The following RPL27A variants were observed in gnomAD, a reference collection of about 807,000 sequenced individuals.
The protein encoded by RPL27A is ribosomal protein L27a, also known as large ribosomal subunit protein uL15.
For synonymous variants in RPL27A, 69 were observed against 68.3 expected, an observed-to-expected ratio of 1.01 and a Z score of -0.05; for missense variants, 118 against 189.4, an observed-to-expected ratio of 0.62 and a Z score of 2.21.
chr11:8,683,294 C>T, intron 2 of RPL27A, 29 bp downstream of exon 2: 1 of 1,604,802 alleles, frequency 6.2e-7, no homozygotes, highest in African/African-American at 1.3e-5. Flanking sequence ...TCGGGGTGGG[C>T]CTTGGGCTCT....
In RPL27A at chr11:8,683,548, C is replaced by T; in HGVS notation, c.67+283C>T. The T allele has an allele frequency of 1.8e-5, 10 of 546,170 alleles. No homozygotes were observed. The South Asian group carries it at 1.9e-4, about 11-fold the overall frequency. 33.8% of individuals were successfully genotyped at this position (546,170 alleles called of 1,614,324 possible). ...CTGAAAAGATGTTTCACCCGGAATC[C>T]TAAAGTAATCGCATTGCTGAAAACC... On this transcript the variant is annotated intron_variant, in intron 2 of 4. Transcript: ENST00000314138.
In RPL27A at chr11:8,686,600, G is replaced by T. The variant is rs1467006942; in HGVS notation, c.*794G>T. ...GATGAATCAAAATCTCGAGATGGGG[G>T]TCCAGCAATCTGAAATTTCAGTATG... On this transcript the variant is annotated 3_prime_UTR_variant, in exon 5 of 5. Transcript: ENST00000314138. The T allele has an allele frequency of 6.6e-6, 1 of 152,222 alleles. No individual in the cohort carries two copies. Among genetic ancestry groups the T allele is most frequent in the Non-Finnish European group, 1.5e-5 (1 of 68,046 alleles). The allele number at this position is 152,222 out of a possible 1,614,324, so 9.4% of individuals were successfully genotyped here.
intron 1 of RPL27A, 136 bp from the exon 2 acceptor site, chr11:8,683,066 A>G: frequency 2.0e-6 from 2 of 989,464 alleles, no homozygotes; most frequent in East Asian, 2.4e-5. Flanking sequence ...CCCTGAGCGG[A>G]TCGGTACCCT....
rs2039590739 is a variant in RPL27A, at chr11:8,686,749, T to C, written c.*943T>C. ...TTGAAATAAGTTTTTCTAGGATTTG[T>C]GTCTCTTGCTATTGGAAAACTGATG... On this transcript the variant is annotated 3_prime_UTR_variant, in exon 5 of 5. Transcript: ENST00000314138. 6.6e-6 allele frequency: 1 copy of C among 152,224 alleles called. No individual in the cohort carries two copies. The highest frequency in any genetic ancestry group is 1.5e-5 in the Non-Finnish European group (1 of 68,024). 9.4% of individuals were successfully genotyped at this position (152,224 alleles called of 1,614,324 possible). A position where few individuals can be genotyped will look rare whatever the true frequency, so the allele number is the denominator to read the frequency against.
rs2039598253 is a variant in RPL27A at position 8,687,491 on chromosome 11, CATG to C, written c.*1690_*1692del. ...ATCCCACAATAAGTGGTCAGTAGTT[CATG>C]ATGAATTAAAAGACTCAATATTTGG... On this transcript the variant is annotated 3_prime_UTR_variant, in exon 5 of 5. Transcript: ENST00000314138. 6.6e-6 allele frequency: 1 copy of C among 150,876 alleles called. No individual in the cohort carries two copies. Among genetic ancestry groups the C allele is most frequent in the Admixed American group, 6.7e-5 (1 of 14,982 alleles). 9.3% of individuals were successfully genotyped at this position (150,876 alleles called of 1,614,324 possible).
At chr11:8,685,622 T>G in intron 4 of RPL27A, 56 bp from the exon 5 acceptor site, 1 of 1,597,402 alleles carries the variant, frequency 6.3e-7, no homozygotes, top group Non-Finnish European at 8.6e-7. Flanking sequence ...CTCACGCCCA[T>G]CACGCAGTTG....
At chr11:8,683,644 A>T in intron 2 of RPL27A, 1 of 475,418 alleles carries the variant, frequency 2.1e-6, no homozygotes, top group Non-Finnish European at 3.8e-6. Flanking sequence ...TTGTGCGAGG[A>T]AGTATTGAGA....
At chr11:8,683,337 G>A (rs2039528628) in intron 2 of RPL27A, 72 bp downstream of exon 2, 1 of 1,329,432 alleles carries the variant, frequency 7.5e-7, no homozygotes, top group Non-Finnish European at 1.1e-6. Context: ...GAGATCGGTA[G>A]CCTATAAGTG....
Position 8,689,241 on chromosome 11 carries a change from G to T in RPL27A, c.*3435G>T, listed in dbSNP as rs1476330852. Reference sequence around the variant, plus strand: ...TTTAGGGTGCGTTTAAGAACAGTGGGCGTGGCCTTTACGTAAATCTTCGAG... The same window carrying T: ...TTTAGGGTGCGTTTAAGAACAGTGGTCGTGGCCTTTACGTAAATCTTCGAG... On this transcript the variant is annotated 3_prime_UTR_variant, in exon 5 of 5. Transcript: ENST00000314138. The T allele has an allele frequency of 6.6e-6, 1 of 152,234 alleles. No homozygotes were observed. Among genetic ancestry groups the T allele is most frequent in the African/African-American group, 2.4e-5 (1 of 41,452 alleles). 9.4% of individuals were successfully genotyped at this position (152,234 alleles called of 1,614,324 possible). A position where few individuals can be genotyped will look rare whatever the true frequency, so the allele number is the denominator to read the frequency against.
rs1427782557 is a variant in RPL27A at position 8,688,945 on chromosome 11, C to T, written c.*3139C>T. On this transcript the variant is annotated 3_prime_UTR_variant, in exon 5 of 5. Transcript: ENST00000314138. ...GGCGTCCTCACAACACAGACCGGACCTTGGGTCTTACCCCGGCACCTGAGA... is the reference window on the plus strand; with the variant it reads ...GGCGTCCTCACAACACAGACCGGACTTTGGGTCTTACCCCGGCACCTGAGA... 2 of 152,274 alleles carry T rather than the reference C, an allele frequency of 1.3e-5. No individual in the cohort carries two copies. Among genetic ancestry groups the T allele is most frequent in the African/African-American group, 2.4e-5 (1 of 41,480 alleles). The allele number at this position is 152,274 out of a possible 1,614,324, so 9.4% of individuals were successfully genotyped here. A position where few individuals can be genotyped will look rare whatever the true frequency, so the allele number is the denominator to read the frequency against.
At position 8,684,841 on chromosome 11, in the gene RPL27A, T is replaced by C. The variant is rs755612389; in HGVS notation, c.267T>C (p.Asn89=). The C allele has an allele frequency of 5.6e-6, 9 of 1,613,988 alleles. No individual in the cohort carries two copies. The highest frequency in any genetic ancestry group is 6.8e-6 in the Non-Finnish European group (8 of 1,179,954). ...TGGTCAGTGAACAGACACGGGTGAATGCTGCTAAAAACAAGACTGGGGCTG... is the reference window on the plus strand; with the variant it reads ...TGGTCAGTGAACAGACACGGGTGAACGCTGCTAAAAACAAGACTGGGGCTG... ...WTLVSEQTRV[N]AAKNKTGAAP... The change falls in exon 4 of 5, where the codon AAT becomes AAC. Residue 89 remains asparagine (N), a synonymous_variant. Transcript: ENST00000314138.
chr11:8,683,120 G>A (rs1315805115), intron 1 of RPL27A, 82 bp from the exon 2 acceptor site: 2 of 1,408,204 alleles, frequency 1.4e-6, no homozygotes, highest in South Asian at 1.2e-5. Context: ...TGACCCACAG[G>A]CTTACAGGAC....
In RPL27A at chr11:8,685,835, C is replaced by G. The variant is rs750620897; in HGVS notation, c.*29C>G. The G allele has an allele frequency of 1.2e-5, 20 of 1,610,490 alleles. No homozygotes were observed. The highest frequency in any genetic ancestry group is 1.6e-5 in the Non-Finnish European group (19 of 1,178,006). ...CACATGGAGGGAGTTTCATTAAATG[C>G]TAACTACTTTTTCCTTGTGGTGTGA... is the stretch of plus-strand genomic sequence containing the variant. On this transcript the variant is annotated 3_prime_UTR_variant, in exon 5 of 5. Transcript: ENST00000314138.
In RPL27A at chr11:8,687,424, AG is replaced by A. The variant is rs1027040008; in HGVS notation, c.*1621del. 1 of 139,106 alleles carries A rather than the reference AG, an allele frequency of 7.2e-6. No individual in the cohort carries two copies. Among genetic ancestry groups the A allele is most frequent in the African/African-American group, 2.6e-5 (1 of 38,624 alleles). 8.6% of individuals were successfully genotyped at this position (139,106 alleles called of 1,614,324 possible). On this transcript the variant is annotated 3_prime_UTR_variant, in exon 5 of 5. Transcript: ENST00000314138. ...CCAAAAAAAGTAAGGGCTCTCCATTAGGGCCCATAGAGGACTTGTAATATGG... is the reference window on the plus strand; with the variant it reads ...CCAAAAAAAGTAAGGGCTCTCCATTAGGCCCATAGAGGACTTGTAATATGG...
In RPL27A at chr11:8,685,894, T is replaced by C; in HGVS notation, c.*88T>C. On this transcript the variant is annotated 3_prime_UTR_variant, in exon 5 of 5. Transcript: ENST00000314138. ...TCTTCAGTGGCACCTCTACATCCTGTGTGCATTGGGAGCCCAGGTTCTAGT... is the reference window on the plus strand; with the variant it reads ...TCTTCAGTGGCACCTCTACATCCTGCGTGCATTGGGAGCCCAGGTTCTAGT... The C allele has an allele frequency of 7.4e-7, 1 of 1,345,032 alleles. No individual in the cohort carries two copies. Among genetic ancestry groups the C allele is most frequent in the African/African-American group, 1.4e-5 (1 of 69,328 alleles). The allele number at this position is 1,345,032 out of a possible 1,614,324, so 83.3% of individuals were successfully genotyped here. A position where few individuals can be genotyped will look rare whatever the true frequency, so the allele number is the denominator to read the frequency against.
At position 8,686,860 on chromosome 11, in the gene RPL27A, T is replaced by C. The variant is rs1388840605; in HGVS notation, c.*1054T>C. 6.6e-5 allele frequency: 10 copies of C among 152,210 alleles called. No homozygotes were observed. Among genetic ancestry groups the C allele is most frequent in the Admixed American group, 6.5e-4 (10 of 15,286 alleles). 9.4% of individuals were successfully genotyped at this position (152,210 alleles called of 1,614,324 possible). Reference sequence around the variant, plus strand: ...CAGTTTTATGGTTCTTCCTGTGATTTTGAGCTTTTTTTGACCCAAAATAAT... The same window carrying C: ...CAGTTTTATGGTTCTTCCTGTGATTCTGAGCTTTTTTTGACCCAAAATAAT... On this transcript the variant is annotated 3_prime_UTR_variant, in exon 5 of 5. Transcript: ENST00000314138.
chr11:8,684,257 C>T (rs771824223), intron 3 of RPL27A, 176 bp downstream of exon 3: 8 of 766,174 alleles, frequency 1.0e-5, no homozygotes, highest in African/African-American at 1.7e-5. Context: ...TGGGTATCGG[C>T]TATTGCCTGA....
chr11:8,685,313 C>G (rs895509189), intron 4 of RPL27A: 1 of 508,454 alleles, frequency 2.0e-6, no homozygotes, highest in Non-Finnish European at 3.8e-6. Flanking sequence ...AGGCCAGAAC[C>G]CTAGGGACGC....
At chr11:8,683,176 C>G in intron 1 of RPL27A, 26 bp from the exon 2 acceptor site, 2 of 1,613,348 alleles carry the variant, frequency 1.2e-6, no homozygotes, top group South Asian at 1.1e-5. Flanking sequence ...TTCCTTAGGC[C>G]TTACCACCAA....
Sources: allele counts gnomAD v4.1 joint callset, GRCh38; gene constraint gnomAD v4.1.1; transcripts MANE v1.5; gene names NCBI Gene and HGNC (gene_info 2026-07-23, HGNC 2026-07-21).